Variants in PTPRA observed in about 807,000 individuals in gnomAD.
The protein encoded by PTPRA is receptor-type tyrosine-protein phosphatase alpha.
In PTPRA, 25 loss-of-function variants were observed where a neutral mutation model predicts 104.8. The ratio of observed to expected loss-of-function variants is 0.24; its 90% CI spans 0.17 to 0.33. The LOEUF is 0.33. Among genes scored for constraint, PTPRA ranks in the 10% least tolerant of loss-of-function variants. The pLI is 1.00. For missense variants in PTPRA, 765 were observed against 1,015.3 expected, an observed-to-expected ratio of 0.75 and a Z score of 3.35; for synonymous variants, 323 against 368.9, an observed-to-expected ratio of 0.88 and a Z score of 1.43.
chr20:2,938,482 A>G (rs771449553), intron 2 of PTPRA, among the ~76,000 whole-genome samples: 10 of 152,036 alleles, frequency 6.6e-5, no homozygotes, highest in South Asian at 2.1e-4. Flanking sequence ...CACCGTACCC[A>G]GTAGACAGTT....
intron 1 of PTPRA, among the ~76,000 whole-genome samples, chr20:2,896,047 A>G (rs2058985660): frequency 1.3e-5 from 2 of 151,880 alleles, no homozygotes. Flanking sequence ...ATCTTTTTGT[A>G]ACGGATTTAT....
At chr20:2,941,905 A>G (rs1160230625) in intron 2 of PTPRA, among the ~76,000 whole-genome samples, 2 of 152,076 alleles carry the variant, frequency 1.3e-5, no homozygotes, top group African/African-American at 4.8e-5. Context: ...TTCTTCTTCT[A>G]TAGGCTCTTA....
chr20:2,953,660 T>C (rs1179500692), intron 3 of PTPRA, among the ~76,000 whole-genome samples: 1 of 150,808 alleles, frequency 6.6e-6, no homozygotes, highest in East Asian at 1.9e-4. Flanking sequence ...CTGGCTGGAG[T>C]GTAGTGACGT....
intron 1 of PTPRA, among the ~76,000 whole-genome samples, chr20:2,897,885 T>A (rs2059072276): frequency 2.0e-5 from 3 of 150,982 alleles, no homozygotes; most frequent in Non-Finnish European, 1.5e-5. Context: ...TCCTGTGTCC[T>A]TTTTCCATGT....
upstream of PTPRA, among the ~76,000 whole-genome samples, chr20:2,870,753 T>G (rs1169806362): frequency 6.6e-6 from 1 of 152,184 alleles, no homozygotes; most frequent in Non-Finnish European, 1.5e-5. Flanking sequence ...CCTTTGCTCA[T>G]AAACCCTGTG....
chr20:2,932,645 C>T (rs538457937), intron 2 of PTPRA, among the ~76,000 whole-genome samples: 1 of 152,302 alleles, frequency 6.6e-6, no homozygotes, highest in South Asian at 2.1e-4. Context: ...TGTCAGCCAT[C>T]TGCTCAGAGG....
Position 3,007,344 on chromosome 20 carries a change from A to G in PTPRA, c.830A>G (p.Tyr277Cys). The G allele has an allele frequency of 6.2e-7, 1 of 1,613,450 alleles. No individual in the cohort carries two copies. The highest frequency in any genetic ancestry group is 8.5e-7 in the Non-Finnish European group (1 of 1,179,440). ...EKNRYVNILP[Y>C]DHSRVHLTPV... is the part of the protein sequence containing the mutation. ...GAAATATTGTTGGTTTGTTTCCTAG[A>G]TGACCACTCTAGAGTCCACCTGACA... The change falls in exon 11 of 24, where the codon TAT (tyrosine) becomes TGT (cysteine). Residue 277 changes from tyrosine to cysteine, a missense_variant and splice_region_variant. This residue lies in a region of PTPRA where 245 missense variants were observed against 398.7 expected (regional missense o/e 0.61). Transcript: ENST00000399903.
At chr20:2,955,533 CTT>C in intron 3 of PTPRA, 1 of 745,090 alleles carries the variant, frequency 1.3e-6, no homozygotes, top group Non-Finnish European at 1.6e-6. Flanking sequence ...GGTCTCTTCT[CTT>C]GTTTTGGACT....
the PTPRA span, chr20:2,865,999 G>A: frequency 2.2e-5 from 13 of 586,212 alleles, no homozygotes; most frequent in Admixed American, 2.1e-4. This position sits in a 1 kb window ranked among gnomAD's most constrained non-coding sequence, Gnocchi z 5.2. Flanking sequence ...TTGGTCTCAA[G>A]TCTCTGACAG....
In PTPRA at chr20:3,038,230, C is replaced by G; in HGVS notation, c.*97C>G. 7.3e-6 allele frequency: 9 copies of G among 1,230,698 alleles called. No individual in the cohort carries two copies. The highest frequency in any genetic ancestry group is 1.0e-5 in the Non-Finnish European group (9 of 860,040). The allele number at this position is 1,230,698 out of a possible 1,614,324, so 76.2% of individuals were successfully genotyped here. A position where few individuals can be genotyped will look rare whatever the true frequency, so the allele number is the denominator to read the frequency against. ...CCCAAATTGTGTATATATCTTATAA[C>G]TGTTTTAGAAATTGGTACATAGGCT... On this transcript the variant is annotated 3_prime_UTR_variant, in exon 24 of 24. Transcript: ENST00000399903.
chr20:2,909,399 A>G (rs763297215), intron 1 of PTPRA, among the ~76,000 whole-genome samples: 1 of 152,112 alleles, frequency 6.6e-6, no homozygotes. Context: ...CTGGGCCAAC[A>G]TGGCGAAACC....
chr20:2,971,658 A>G (rs368369575), intron 5 of PTPRA, among the ~76,000 whole-genome samples: 1 of 152,324 alleles, frequency 6.6e-6, no homozygotes, highest in South Asian at 2.1e-4. Flanking sequence ...TTTTCATTAT[A>G]CGTGGTACTG....
rs1223882605 is a variant in PTPRA, at chr20:3,035,778, T to G, written c.2047-12T>G. ...GGTTACCCCTGCCTCCCTGATCCCC[T>G]TTTTTCCAAAGGAGAATAAGAGCCG... On this transcript the variant is annotated splice_polypyrimidine_tract_variant and intron_variant, in intron 21 of 23. Coordinates refer to ENST00000399903, the MANE Select transcript of PTPRA (RefSeq NM_001385305.1). The surrounding 1 kb of genome is among the most constrained non-coding windows in gnomAD (Gnocchi z 5.8). The G allele has an allele frequency of 1.9e-6, 3 of 1,611,128 alleles. No homozygotes were observed. The highest frequency in any genetic ancestry group is 4.5e-5 in the East Asian group (2 of 44,868).
chr20:2,869,822 GCT>G (rs2089406510), upstream of PTPRA, among the ~76,000 whole-genome samples: 1 of 150,568 alleles, frequency 6.6e-6, no homozygotes, highest in African/African-American at 2.4e-5. Flanking sequence ...AAAAAAATTA[GCT>G]GGGGGTGGTG....
chr20:2,897,132 G>A (rs1307066665), intron 1 of PTPRA, among the ~76,000 whole-genome samples: 1 of 152,156 alleles, frequency 6.6e-6, no homozygotes, highest in Non-Finnish European at 1.5e-5. Context: ...TTTACCACTT[G>A]GTTAAGATGT....
rs1396668585 is a variant in PTPRA at position 2,988,046 on chromosome 20, A to G, written c.542A>G (p.Lys181Arg). Residue 181 changes from lysine (K) to arginine (R), a missense_variant, in exon 8 of 24, where the codon AAG becomes AGG. This residue lies in a region of PTPRA where 256 missense variants were observed against 248.9 expected (regional missense o/e 1.03). Coordinates refer to ENST00000399903, the MANE Select transcript of PTPRA (RefSeq NM_001385305.1). ...VLYMLRFKKY[K>R]QAGSHSNSFR... is the part of the protein sequence containing the mutation. ...TTTCTCATTAGGTTTAAGAAATACAAGCAAGCTGGGAGCCATTCCAATTCT... is the reference window on the plus strand; with the variant it reads ...TTTCTCATTAGGTTTAAGAAATACAGGCAAGCTGGGAGCCATTCCAATTCT... 6.3e-7 allele frequency: 1 copy of G among 1,581,598 alleles called. No homozygotes were observed. Among genetic ancestry groups the G allele is most frequent in the African/African-American group, 1.3e-5 (1 of 74,106 alleles).
At chr20:2,968,235 T>C (rs907025915) in intron 5 of PTPRA, among the ~76,000 whole-genome samples, 1 of 152,184 alleles carries the variant, frequency 6.6e-6, no homozygotes, top group Non-Finnish European at 1.5e-5. Context: ...GGAATATTTT[T>C]CCCCCAGAAT....
chr20:2,871,547 A>G (rs762165692), upstream of PTPRA, among the ~76,000 whole-genome samples: 16 of 152,246 alleles, frequency 1.1e-4, no homozygotes, highest in Non-Finnish European at 2.1e-4. Flanking sequence ...GAAACATATT[A>G]AGAAATAATA....
At chr20:2,889,285 A>C (rs1282313690) in intron 1 of PTPRA, among the ~76,000 whole-genome samples, 1 of 152,178 alleles carries the variant, frequency 6.6e-6, no homozygotes, top group African/African-American at 2.4e-5. Context: ...AGTTAATATA[A>C]ATTTAACAGA....
Sources: gnomAD v4.1 joint callset for allele counts (sites outside exome capture counted in the v4.1 genomes callset) on GRCh38, gnomAD v4.1.1 for gene constraint, gnomAD v4.1.1 regional missense constraint, Gnocchi (gnomAD v3.1) non-coding constraint, MANE v1.5 for transcripts, NCBI Gene and HGNC (gene_info 2026-07-23, HGNC 2026-07-21) for gene names.